The following PTPRN2 variants were observed in gnomAD, a reference collection of about 807,000 sequenced individuals.
PTPRN2 encodes receptor-type tyrosine-protein phosphatase N2.
PTPRN2 carries 74 observed loss-of-function variants against 118.8 expected under a neutral mutation model. The observed-to-expected ratio is 0.62, with a 90% CI of 0.52 to 0.76. PTPRN2 has a LOEUF of 0.76. PTPRN2 is among the 30% of genes least tolerant of loss of function. The pLI is 0.00. For missense variants in PTPRN2, 1,481 were observed against 1,394.4 expected, an observed-to-expected ratio of 1.06 and a Z score of -0.99; for synonymous variants, 641 against 608.0, an observed-to-expected ratio of 1.05 and a Z score of -0.80.
intron 6 of PTPRN2, among the ~76,000 whole-genome samples, chr7:158,151,075 T>A (rs1018327736): frequency 1.1e-5 from 1 of 93,448 alleles, no homozygotes; most frequent in Admixed American, 1.1e-4. Flanking sequence ...CTTTCCACTC[T>A]TGCCCCTGCC....
rs28464887 is a variant in PTPRN2 at position 158,007,882 on chromosome 7, G to T, written c.1723+73416C>A. 6.4e-5 allele frequency among the ~76,000 whole-genome samples: 9 copies of T among 141,684 alleles called. No homozygotes were observed. In the East Asian group the frequency reaches 6.8e-4, roughly 11 times the overall value. The allele number at this position is 141,684 out of a possible 152,430, so 93.0% of individuals were successfully genotyped here. On this transcript the variant is annotated intron_variant, in intron 11 of 22. Coordinates refer to ENST00000389418, the MANE Select transcript of PTPRN2 (RefSeq NM_002847.5). The stretch of plus-strand genomic sequence containing the variant: ...TGTGTGTGGATGCATGCATGTGCAC[G>T]TGTGTGTATGTATCTGGTTGTGTGC...
intron 3 of PTPRN2, among the ~76,000 whole-genome samples, chr7:158,263,433 C>T (rs1342674119): frequency 1.3e-5 from 2 of 151,844 alleles, no homozygotes; most frequent in Non-Finnish European, 2.9e-5. Context: ...TGCACACACA[C>T]ACAGGCACAC....
intron 2 of PTPRN2, among the ~76,000 whole-genome samples, chr7:158,320,626 G>A (rs549845317): frequency 1.3e-5 from 2 of 152,340 alleles, no homozygotes; most frequent in Middle Eastern, 3.4e-3. Context: ...ATGTTCCAGC[G>A]TTTGGCTGCT....
At chr7:157,810,874 A>T (rs919050627) in intron 12 of PTPRN2, among the ~76,000 whole-genome samples, 5 of 152,056 alleles carry the variant, frequency 3.3e-5, no homozygotes, top group African/African-American at 1.2e-4. Flanking sequence ...ACGCTTTTCC[A>T]TGAGACCCTC....
At chr7:157,888,359 G>A (rs1438233053) in intron 12 of PTPRN2, among the ~76,000 whole-genome samples, 1 of 152,178 alleles carries the variant, frequency 6.6e-6, no homozygotes, top group Non-Finnish European at 1.5e-5. Context: ...CCACTGTCCA[G>A]AGCCTCAGGA....
chr7:158,012,203 C>T (rs544274999), intron 11 of PTPRN2, among the ~76,000 whole-genome samples: 3 of 152,224 alleles, frequency 2.0e-5, no homozygotes, highest in South Asian at 2.1e-4. Context: ...ACGTGCCTTT[C>T]GGAAGCAGAT....
At chr7:158,018,286 G>T (rs1159201209) in intron 11 of PTPRN2, among the ~76,000 whole-genome samples, 2 of 152,236 alleles carry the variant, frequency 1.3e-5, no homozygotes, top group East Asian at 3.9e-4. Context: ...CAACAGGACA[G>T]GACGCTGTCT....
chr7:158,486,915 C>A (rs1821071655), intron 2 of PTPRN2, among the ~76,000 whole-genome samples: 1 of 152,220 alleles, frequency 6.6e-6, no homozygotes, highest in Admixed American at 6.5e-5. Context: ...GAAACTCCAC[C>A]AATTAAACAC....
intron 2 of PTPRN2, among the ~76,000 whole-genome samples, chr7:158,480,738 C>G (rs1053945723): frequency 6.6e-6 from 1 of 152,194 alleles, no homozygotes; most frequent in African/African-American, 2.4e-5. Context: ...CTGGATAGAC[C>G]AAGCCAGCCA....
intron 11 of PTPRN2, among the ~76,000 whole-genome samples, chr7:157,979,125 T>C (rs1288866585): frequency 6.6e-6 from 1 of 152,042 alleles, no homozygotes; most frequent in Admixed American, 6.6e-5. Flanking sequence ...GCAGGAGGGA[T>C]TGTTTCTCTT....
chr7:157,771,867 C>A lies in PTPRN2; in HGVS notation c.1789-88930G>T, dbSNP rs185710763. ...ACACAAACAGACACACACGGAGACACAGGCACACATGAACACACACAGACA... is the reference window on the plus strand; with the variant it reads ...ACACAAACAGACACACACGGAGACAAAGGCACACATGAACACACACAGACA... On this transcript the variant is annotated intron_variant, in intron 12 of 22. Transcript: ENST00000389418. Among the ~76,000 whole-genome samples, 170 of 150,460 alleles carry A rather than the reference C, an allele frequency of 1.1e-3. 1 individual carries two copies. The highest frequency in any genetic ancestry group is 4.0e-3 in the African/African-American group (162 of 40,794).
At chr7:158,249,452 C>T (rs1220842473) in intron 3 of PTPRN2, among the ~76,000 whole-genome samples, 1 of 150,418 alleles carries the variant, frequency 6.6e-6, no homozygotes, top group East Asian at 2.0e-4. Flanking sequence ...ACCATACATA[C>T]ATGCATACAT....
chr7:158,274,386 G>GGCACAGGGGGGAGCCA (rs1798807526), intron 3 of PTPRN2, among the ~76,000 whole-genome samples: 1 of 91,020 alleles, frequency 1.1e-5, no homozygotes, highest in Admixed American at 1.1e-4. Context: ...AGGGGGAGCC[G>GGCACAGGGGGGAGCCA]CAGGCACAGG....
rs190169506 is a variant in PTPRN2 at position 158,069,611 on chromosome 7, C to T, written c.1723+11687G>A. 2.0e-3 allele frequency among the ~76,000 whole-genome samples: 308 copies of T among 152,290 alleles called. 1 individual carries two copies. The highest frequency in any genetic ancestry group is 7.2e-3 in the African/African-American group (298 of 41,556). On this transcript the variant is annotated intron_variant, in intron 11 of 22. Transcript: ENST00000389418. ...GATGACAGGCATGGCCACCACGCCC[C>T]ACCTCCTCCATTCTTTACCCACAAT...
At chr7:158,159,089 G>T (rs113862897) in intron 6 of PTPRN2, among the ~76,000 whole-genome samples, 17 of 17,696 alleles carry the variant, frequency 9.6e-4, no homozygotes, top group South Asian at 6.9e-3. Flanking sequence ...ATGAGTGAAC[G>T]CGGGAGAATC....
Position 157,591,195 on chromosome 7 carries a change from G to C in PTPRN2, c.2496+4043C>G, listed in dbSNP as rs1397508491. 6.6e-6 allele frequency among the ~76,000 whole-genome samples: 1 copy of C among 152,132 alleles called. No homozygotes were observed. Among genetic ancestry groups the C allele is most frequent in the African/African-American group, 2.4e-5 (1 of 41,428 alleles). Reference sequence around the variant, plus strand: ...AGGGGGACACTTCGAATCCCCCAAGGAGTGCACGGGCCTGGGGCAGACACG... The same window carrying C: ...AGGGGGACACTTCGAATCCCCCAAGCAGTGCACGGGCCTGGGGCAGACACG... On this transcript the variant is annotated intron_variant, in intron 17 of 22. Coordinates refer to ENST00000389418, the MANE Select transcript of PTPRN2 (RefSeq NM_002847.5). The surrounding 1 kb of genome is among the most constrained non-coding windows in gnomAD (Gnocchi z 4.4).
intron 3 of PTPRN2, among the ~76,000 whole-genome samples, chr7:158,208,665 T>C (rs1827345888): frequency 6.6e-6 from 1 of 152,166 alleles, no homozygotes; most frequent in Non-Finnish European, 1.5e-5. Context: ...ATTTCTTCCG[T>C]CTGAAATAAA....
chr7:158,179,036 G>A (rs1330102302), intron 5 of PTPRN2, among the ~76,000 whole-genome samples: 1 of 152,122 alleles, frequency 6.6e-6, no homozygotes, highest in Non-Finnish European at 1.5e-5. Context: ...GAGATTGCTG[G>A]ATCAAAAGGG....
chr7:158,246,130 A>AATTG (rs61481693), intron 3 of PTPRN2, among the ~76,000 whole-genome samples: 6 of 150,962 alleles, frequency 4.0e-5, no homozygotes, highest in Non-Finnish European at 7.4e-5. Flanking sequence ...TGCATTCACT[A>AATTG]ATTGATTGAT....
Sources: allele counts gnomAD v4.1 joint callset (sites outside exome capture counted in the v4.1 genomes callset), GRCh38; gene constraint gnomAD v4.1.1; non-coding constraint Gnocchi (gnomAD v3.1); transcripts MANE v1.5; gene names NCBI Gene and HGNC (gene_info 2026-07-23, HGNC 2026-07-21).